PCDHGA2: variants seen among roughly 807,000 people sequenced by gnomAD.
The protein encoded by PCDHGA2 is protocadherin gamma subfamily A, 2.
A neutral mutation model predicts 59.2 loss-of-function variants in PCDHGA2; 40 were observed. That is an observed-to-expected ratio of 0.68 (90% CI 0.52 to 0.88). PCDHGA2 has a LOEUF of 0.88. PCDHGA2 is among the 40% of genes least tolerant of loss of function. The pLI, the probability that PCDHGA2 is intolerant of heterozygous loss-of-function variation, is 0.00. For synonymous variants in PCDHGA2, 560 were observed against 526.0 expected (o/e 1.06, Z -0.89); for missense variants, 1,226 against 1,204.0 (o/e 1.02, Z -0.27).
At chr5:141,393,912 G>A (rs1430302094) in intron 1 of PCDHGA2, 1 of 1,613,924 alleles carries the variant, frequency 6.2e-7, no homozygotes. Context: ...GACAGTAATT[G>A]CCTTCTTGAG....
At chr5:141,359,586 A>G (rs1252102791) in intron 1 of PCDHGA2, among the ~76,000 whole-genome samples, 1 of 151,834 alleles carries the variant, frequency 6.6e-6, no homozygotes, top group Non-Finnish European at 1.5e-5. Context: ...AAGATATAAC[A>G]ACTAAAAAAG....
Position 141,432,097 on chromosome 5 carries a change from C to T in PCDHGA2, c.2425-62710C>T, listed in dbSNP as rs1428283489. The stretch of plus-strand genomic sequence containing the variant: ...TCTCGCTGAACGTGGCAGACACCAA[C>T]GACAACCCGCCGGTCTTCCCTCAGG... On this transcript the variant is annotated intron_variant, in intron 1 of 3. Transcript: ENST00000394576. This position sits in a 1 kb window ranked among gnomAD's most constrained non-coding sequence, Gnocchi z 6.0. 6 of 1,614,066 alleles carry T rather than the reference C, an allele frequency of 3.7e-6. No individual in the cohort carries two copies. The highest frequency in any genetic ancestry group is 2.7e-5 in the African/African-American group (2 of 74,920).
intron 1 of PCDHGA2, chr5:141,345,701 C>T (rs745711073): frequency 9.9e-6 from 16 of 1,614,102 alleles, no homozygotes; most frequent in East Asian, 4.5e-5. Context: ...TGGACCAGAA[C>T]GACAACGCGC....
chr5:141,383,903 TC>T lies in PCDHGA2; in HGVS notation c.2424+42509del, dbSNP rs769022323. On this transcript the variant is annotated intron_variant, in intron 1 of 3. Transcript: ENST00000394576. ...AGTCTGACAAAGGCAAAAGTACTGA[TC>T]ACAGTTTTAGATGTAAATGATAATG... The T allele has an allele frequency of 8.9e-5, 144 of 1,613,802 alleles. 1 individual carries two copies. The highest frequency in any genetic ancestry group is 1.1e-4 in the Non-Finnish European group (134 of 1,179,876).
chr5:141,366,291 T>A, intron 1 of PCDHGA2: 1 of 1,613,746 alleles, frequency 6.2e-7, no homozygotes, highest in Non-Finnish European at 8.5e-7. Context: ...CAGCCCCCTC[T>A]GTCAGCCACC....
intron 1 of PCDHGA2, chr5:141,388,664 G>A: frequency 1.2e-6 from 2 of 1,613,908 alleles, no homozygotes; most frequent in South Asian, 2.2e-5. Context: ...CGGGGACCAC[G>A]GTGCTACAGG....
At chr5:141,346,330 G>A in intron 1 of PCDHGA2, 2 of 1,614,238 alleles carry the variant, frequency 1.2e-6, no homozygotes, top group Non-Finnish European at 1.7e-6. Flanking sequence ...TCGCGGAAGA[G>A]CCACCTGATT....
intron 1 of PCDHGA2, chr5:141,384,871 G>C (rs769607351): frequency 6.2e-7 from 1 of 1,613,766 alleles, no homozygotes; most frequent in Non-Finnish European, 8.5e-7. Context: ...GTCAGCCACC[G>C]TCACACTCAC....
At chr5:141,435,180 C>G (rs1341148119) in intron 1 of PCDHGA2, among the ~76,000 whole-genome samples, 1 of 152,074 alleles carries the variant, frequency 6.6e-6, no homozygotes, top group African/African-American at 2.4e-5. Context: ...TTTAACTACA[C>G]TTGAGATGGC....
rs376452870 is a variant in PCDHGA2 at position 141,423,273 on chromosome 5, G to A, written c.2425-71534G>A. 34 of 1,613,778 alleles carry A rather than the reference G, an allele frequency of 2.1e-5. No homozygotes were observed. In the African/African-American group the frequency reaches 4.4e-4, roughly 21 times the overall value. Reference sequence around the variant, plus strand: ...CGGACCTCGGCAGCCTCGAGTCTCTGGCTAACTCTGAAACCTCAGACCTCT... The same window carrying A: ...CGGACCTCGGCAGCCTCGAGTCTCTAGCTAACTCTGAAACCTCAGACCTCT... On this transcript the variant is annotated intron_variant, in intron 1 of 3. Coordinates refer to ENST00000394576, the MANE Select transcript of PCDHGA2 (RefSeq NM_018915.4).
chr5:141,394,724 G>T, intron 1 of PCDHGA2: 1 of 1,613,380 alleles, frequency 6.2e-7, no homozygotes, highest in Non-Finnish European at 8.5e-7. Flanking sequence ...ACAGAGATGC[G>T]CTCAAGCAGA....
chr5:141,427,440 G>T (rs747459662), intron 1 of PCDHGA2: 3 of 477,366 alleles, frequency 6.3e-6, no homozygotes, highest in South Asian at 3.1e-5. Flanking sequence ...CCTCATAAAC[G>T]AAAGAGTTCC....
chr5:141,355,515 C>G (rs759193676), intron 1 of PCDHGA2: 1 of 1,614,008 alleles, frequency 6.2e-7, no homozygotes. Flanking sequence ...GTGTGACAAA[C>G]CTGGAGATTC....
chr5:141,375,495 T>A, intron 1 of PCDHGA2: 1 of 1,613,918 alleles, frequency 6.2e-7, no homozygotes, highest in Admixed American at 1.7e-5. Flanking sequence ...GGTGCCTCCA[T>A]CTTCTCTGTG....
chr5:141,464,640 C>T (rs1482089475), intron 1 of PCDHGA2, among the ~76,000 whole-genome samples: 2 of 151,952 alleles, frequency 1.3e-5, no homozygotes, highest in Admixed American at 6.6e-5. Context: ...TTGTTGCCAA[C>T]CTGATGGGTA....
chr5:141,444,762 T>A (rs767523211), intron 1 of PCDHGA2, among the ~76,000 whole-genome samples: 2 of 152,248 alleles, frequency 1.3e-5, no homozygotes, highest in Non-Finnish European at 2.9e-5. Flanking sequence ...TAGTTCTATT[T>A]CTATATTCTT....
chr5:141,458,367 G>A (rs1297876142), intron 1 of PCDHGA2, among the ~76,000 whole-genome samples: 2 of 152,130 alleles, frequency 1.3e-5, no homozygotes, highest in African/African-American at 2.4e-5. Context: ...AGAAGGAAGG[G>A]AGAAGAGAGA....
At chr5:141,356,305 T>G in intron 1 of PCDHGA2, 1 of 1,554,530 alleles carries the variant, frequency 6.4e-7, no homozygotes, top group Non-Finnish European at 8.7e-7. Context: ...AATTGCACTT[T>G]TCAACGTGCA....
intron 1 of PCDHGA2, chr5:141,370,765 A>G: frequency 1.2e-6 from 2 of 1,614,018 alleles, no homozygotes; most frequent in South Asian, 1.1e-5. Flanking sequence ...GTGCTGATCC[A>G]GGATATTAAC....
Sources: gnomAD v4.1 joint callset for allele counts (sites outside exome capture counted in the v4.1 genomes callset) on GRCh38, gnomAD v4.1.1 for gene constraint, Gnocchi (gnomAD v3.1) non-coding constraint, MANE v1.5 for transcripts, NCBI Gene and HGNC (gene_info 2026-07-23, HGNC 2026-07-21) for gene names.